Variants in ROBO1 observed in about 807,000 individuals in gnomAD.
The protein encoded by ROBO1 is roundabout homolog 1.
In ROBO1, 149 loss-of-function variants were observed where a neutral mutation model predicts 195.9. The observed-to-expected ratio is 0.76, with a 90% CI of 0.67 to 0.87. ROBO1 has a LOEUF of 0.87. ROBO1 is among the 40% of genes least tolerant of loss of function. The pLI, the probability that ROBO1 is intolerant of heterozygous loss-of-function variation, is 0.00. For synonymous variants in ROBO1, 816 were observed against 733.2 expected (o/e 1.11, Z -1.82); for missense variants, 1,933 against 2,068.3 (o/e 0.93, Z 1.27).
At chr3:79,653,055 T>A (rs7429024) in intron 1 of ROBO1, among the ~76,000 whole-genome samples, 41,202 of 151,660 alleles carry the variant, frequency 0.27, 6,807 homozygotes, top group East Asian at 0.5. Context: ...TTAAAATGTT[T>A]CTGAGCAATT....
At chr3:79,358,878 C>T (rs926549342) in intron 2 of ROBO1, among the ~76,000 whole-genome samples, 7 of 152,006 alleles carry the variant, frequency 4.6e-5, no homozygotes, top group African/African-American at 9.7e-5. Flanking sequence ...GCACTATTGA[C>T]GTATTTTACT....
chr3:79,120,423 G>T (rs1238896297), intron 3 of ROBO1, among the ~76,000 whole-genome samples: 2 of 152,166 alleles, frequency 1.3e-5, no homozygotes, highest in African/African-American at 4.8e-5. Context: ...CAACAAGCAA[G>T]CGTGGACAGA....
At chr3:79,112,964 A>T (rs893141055) in intron 3 of ROBO1, among the ~76,000 whole-genome samples, 6 of 152,150 alleles carry the variant, frequency 3.9e-5, no homozygotes, top group Admixed American at 3.9e-4. Context: ...TAAAAAAAAA[A>T]GACCTAACTT....
chr3:79,688,851 G>C (rs1046970574), intron 1 of ROBO1, among the ~76,000 whole-genome samples: 2 of 151,850 alleles, frequency 1.3e-5, no homozygotes, highest in Admixed American at 1.3e-4. Flanking sequence ...GGTACATCTG[G>C]AAATAATTGT....
chr3:79,063,843 AAG>A (rs2078961310), intron 3 of ROBO1, among the ~76,000 whole-genome samples: 3 of 152,108 alleles, frequency 2.0e-5, no homozygotes, highest in Admixed American at 2.0e-4. Flanking sequence ...AAGGCACAAA[AAG>A]ACAGACATCA....
rs558335373 is a variant in ROBO1, at chr3:79,584,120, C to T, written c.88+5704G>A. On this transcript the variant is annotated intron_variant, in intron 2 of 30. Transcript: ENST00000464233. ...GCCTTCACACAAATACAGTCTGTAT[C>T]ATTATTTCACATCGGTGAAAGAATG... Among the ~76,000 whole-genome samples, 3 of 151,862 alleles carry T rather than the reference C, an allele frequency of 2.0e-5. No homozygotes were observed. The South Asian group carries it at 6.2e-4, about 32-fold the overall frequency.
At chr3:79,421,613 C>T (rs2038228547) in intron 2 of ROBO1, among the ~76,000 whole-genome samples, 3 of 152,082 alleles carry the variant, frequency 2.0e-5, no homozygotes, top group Admixed American at 2.0e-4. Context: ...CTACTTAGCT[C>T]AAATACATAC....
chr3:78,727,240 A>G (rs1384550449), intron 5 of ROBO1, among the ~76,000 whole-genome samples: 4 of 151,970 alleles, frequency 2.6e-5, no homozygotes, highest in Non-Finnish European at 5.9e-5. Context: ...TAATTCAGAT[A>G]TTATATAATA....
At chr3:79,718,783 T>C (rs1270113989) in intron 1 of ROBO1, among the ~76,000 whole-genome samples, 1 of 152,058 alleles carries the variant, frequency 6.6e-6, no homozygotes, top group Non-Finnish European at 1.5e-5. Context: ...ATTTCCCTTA[T>C]ACAAATAATA....
intron 1 of ROBO1, among the ~76,000 whole-genome samples, chr3:79,650,136 T>G (rs1337629508): frequency 6.6e-6 from 1 of 151,890 alleles, no homozygotes; most frequent in Non-Finnish European, 1.5e-5. Flanking sequence ...GGATATATAA[T>G]ATTAAATGCA....
chr3:78,692,443 T>C (rs1200059720), intron 8 of ROBO1, among the ~76,000 whole-genome samples: 1 of 152,044 alleles, frequency 6.6e-6, no homozygotes, highest in Non-Finnish European at 1.5e-5. Context: ...CTGACTTTTG[T>C]ATTTTTTGGT....
At chr3:79,294,457 ATTAAAGAC>A (rs1376964700) in intron 2 of ROBO1, among the ~76,000 whole-genome samples, 1 of 152,342 alleles carries the variant, frequency 6.6e-6, no homozygotes, top group East Asian at 1.9e-4. Context: ...CTCAAGATGG[ATTAAAGAC>A]TTAAACGTAA....
chr3:78,651,954 T>C (rs745428292), intron 18 of ROBO1, 25 bp from the exon 19 acceptor site: 1 of 1,599,618 alleles, frequency 6.3e-7, no homozygotes, highest in Non-Finnish European at 8.5e-7. Context: ...TCCGATTAAT[T>C]TGGGTTGAAG....
intron 1 of ROBO1, among the ~76,000 whole-genome samples, chr3:79,672,582 C>A (rs182445455): frequency 6.6e-6 from 1 of 151,840 alleles, no homozygotes; most frequent in Non-Finnish European, 1.5e-5. Context: ...TAGAAGACTG[C>A]GTGAGGAATA....
At position 79,242,827 on chromosome 3, in the gene ROBO1, CTATT is replaced by C. The variant is rs565706231; in HGVS notation, c.89-117292_89-117289del. On this transcript the variant is annotated intron_variant, in intron 2 of 30. Coordinates refer to ENST00000464233, the MANE Select transcript of ROBO1 (RefSeq NM_002941.4). ...TGATGTCCCAGCCACTTAACCCTCA[CTATT>C]TCTTTCTTTTTTCATTATACTTTAA... Among the ~76,000 whole-genome samples, 191 of 152,110 alleles carry C rather than the reference CTATT, an allele frequency of 1.3e-3. 1 individual carries two copies. The Middle Eastern group carries it at 0.017, about 14-fold the overall frequency.
chr3:79,447,189 C>T (rs1322328114), intron 2 of ROBO1, among the ~76,000 whole-genome samples: 1 of 151,948 alleles, frequency 6.6e-6, no homozygotes, highest in Non-Finnish European at 1.5e-5. Context: ...CAGACAGACT[C>T]GATTGCCTCT....
rs953558667 is a variant in ROBO1, at chr3:79,696,069, T to C, written c.-51+71683A>G. Among the ~76,000 whole-genome samples the C allele has an allele frequency of 2.6e-5, 4 of 151,286 alleles. No homozygotes were observed. The Admixed American group carries it at 2.7e-4, about 10-fold the overall frequency. On this transcript the variant is annotated intron_variant, in intron 1 of 30. Transcript: ENST00000464233. The stretch of plus-strand genomic sequence containing the variant: ...ATGAGAATGTGGGAGGGACTTGGGG[T>C]TTTTTGTTCACTAAAATGTTAATAC...
In ROBO1 at chr3:79,740,236, A is replaced by T. The variant is rs200540184; in HGVS notation, c.-51+27516T>A. ...ATTTATATATATAAATTTATATATA[A>T]ATATATATATATATATACTGAACTG... is the stretch of plus-strand genomic sequence containing the variant. On this transcript the variant is annotated intron_variant, in intron 1 of 30. Coordinates refer to ENST00000464233, the MANE Select transcript of ROBO1 (RefSeq NM_002941.4). Among the ~76,000 whole-genome samples the T allele has an allele frequency of 7.7e-5, 11 of 143,644 alleles. 1 individual carries two copies. The highest frequency in any genetic ancestry group is 2.5e-4 in the African/African-American group (10 of 39,444). 94.2% of individuals were successfully genotyped at this position (143,644 alleles called of 152,430 possible).
chr3:79,207,211 T>C (rs1324065251), intron 2 of ROBO1, among the ~76,000 whole-genome samples: 1 of 152,170 alleles, frequency 6.6e-6, no homozygotes, highest in Non-Finnish European at 1.5e-5. Context: ...TTGATTTAAT[T>C]GGAATAAATA....
Sources: allele counts gnomAD v4.1 joint callset (sites outside exome capture counted in the v4.1 genomes callset), GRCh38; gene constraint gnomAD v4.1.1; transcripts MANE v1.5; gene names NCBI Gene and HGNC (gene_info 2026-07-23, HGNC 2026-07-21).